THSD7A: variants seen among roughly 807,000 people sequenced by gnomAD.
The protein encoded by THSD7A is thrombospondin type-1 domain-containing protein 7A.
THSD7A carries 96 observed loss-of-function variants against 231.3 expected under a neutral mutation model. The observed-to-expected ratio is 0.41, with a 90% CI of 0.35 to 0.49. The LOEUF is 0.49. THSD7A is among the 20% of genes least tolerant of loss of function. The pLI, the probability that THSD7A is intolerant of heterozygous loss-of-function variation, is 0.05. For missense variants in THSD7A, 2,290 were observed against 2,070.2 expected, an observed-to-expected ratio of 1.11 and a Z score of -2.06; for synonymous variants, 940 against 743.3, an observed-to-expected ratio of 1.26 and a Z score of -4.30.
intron 6 of THSD7A, among the ~76,000 whole-genome samples, chr7:11,525,803 A>T (rs1007150969): frequency 1.3e-5 from 2 of 152,204 alleles, no homozygotes; most frequent in African/African-American, 4.8e-5. Flanking sequence ...TTTCATTAGT[A>T]TATAAACCCA....
intron 1 of THSD7A, among the ~76,000 whole-genome samples, chr7:11,673,957 G>A (rs946058321): frequency 3.3e-5 from 5 of 151,994 alleles, no homozygotes; most frequent in South Asian, 2.1e-4. Context: ...TTGCGTACAC[G>A]TGGCCACTGC....
intron 14 of THSD7A, among the ~76,000 whole-genome samples, chr7:11,428,678 G>A (rs1784392775): frequency 6.6e-6 from 1 of 152,048 alleles, no homozygotes; most frequent in Non-Finnish European, 1.5e-5. Flanking sequence ...TAAATACCTT[G>A]ACATTATTTC....
At chr7:11,423,414 G>A (rs943910911) in intron 16 of THSD7A, among the ~76,000 whole-genome samples, 1 of 144,680 alleles carries the variant, frequency 6.9e-6, no homozygotes, top group Non-Finnish European at 1.5e-5. Context: ...TGTCCCCCAG[G>A]CTGGAGTGCA....
chr7:11,794,264 T>C (rs1784052595), intron 1 of THSD7A, among the ~76,000 whole-genome samples: 1 of 151,968 alleles, frequency 6.6e-6, no homozygotes, highest in Non-Finnish European at 1.5e-5. Context: ...GCATAAAAAA[T>C]AATTTTACTC....
At chr7:11,501,850 T>G (rs1444814734) in intron 6 of THSD7A, among the ~76,000 whole-genome samples, 1 of 152,154 alleles carries the variant, frequency 6.6e-6, no homozygotes, top group Non-Finnish European at 1.5e-5. Flanking sequence ...AGCAGTTTGT[T>G]TTTTTGAAAA....
intron 9 of THSD7A, among the ~76,000 whole-genome samples, chr7:11,462,538 A>C (rs1785544936): frequency 6.6e-6 from 1 of 152,208 alleles, no homozygotes; most frequent in African/African-American, 2.4e-5. Flanking sequence ...GGACTCATAC[A>C]CATGTAATGA....
At chr7:11,572,896 A>G (rs1434297488) in intron 4 of THSD7A, among the ~76,000 whole-genome samples, 3 of 151,982 alleles carry the variant, frequency 2.0e-5, no homozygotes, top group Admixed American at 2.0e-4. Context: ...ATGTGTAGTA[A>G]CTTTTTATTA....
At chr7:11,451,486 G>A (rs1472562888) in intron 11 of THSD7A, among the ~76,000 whole-genome samples, 1 of 151,966 alleles carries the variant, frequency 6.6e-6, no homozygotes, top group Non-Finnish European at 1.5e-5. Context: ...GTTAAAAACT[G>A]CTGAAGCTGA....
chr7:11,809,364 A>T (rs975063927), intron 1 of THSD7A, among the ~76,000 whole-genome samples: 1 of 152,156 alleles, frequency 6.6e-6, no homozygotes, highest in African/African-American at 2.4e-5. Context: ...TTGACAGGAG[A>T]GTAATTTTTG....
At chr7:11,612,936 C>T (rs1025911064) in intron 2 of THSD7A, among the ~76,000 whole-genome samples, 1 of 152,134 alleles carries the variant, frequency 6.6e-6, no homozygotes, top group African/African-American at 2.4e-5. Flanking sequence ...GACCGTTTCA[C>T]TATCTTACCT....
chr7:11,549,247 T>C (rs549042563), intron 4 of THSD7A, among the ~76,000 whole-genome samples: 60 of 152,198 alleles, frequency 3.9e-4, no homozygotes, highest in Middle Eastern at 3.4e-3. Context: ...AAACAATACA[T>C]GCTGGCAAGG....
intron 1 of THSD7A, among the ~76,000 whole-genome samples, chr7:11,787,477 C>T (rs904142766): frequency 1.3e-5 from 2 of 151,906 alleles, no homozygotes; most frequent in African/African-American, 4.8e-5. Context: ...AGACAAGCCA[C>T]GCATTGGGAG....
chr7:11,816,734 T>TG (rs1554281827), intron 1 of THSD7A, among the ~76,000 whole-genome samples: 6 of 124,120 alleles, frequency 4.8e-5, no homozygotes, highest in Non-Finnish European at 6.9e-5. Context: ...AATATTTTAG[T>TG]GAAAAAAGTG....
At chr7:11,445,815 C>CA (rs1001070782) in intron 13 of THSD7A, among the ~76,000 whole-genome samples, 2 of 151,922 alleles carry the variant, frequency 1.3e-5, no homozygotes, top group Admixed American at 1.3e-4. Flanking sequence ...CTACCCTTTG[C>CA]AAGATTTGGG....
chr7:11,673,881 A>G (rs1468492063), intron 1 of THSD7A, among the ~76,000 whole-genome samples: 4 of 152,088 alleles, frequency 2.6e-5, no homozygotes, highest in African/African-American at 9.7e-5. Flanking sequence ...TCAGGGGAGC[A>G]TGAGCTGAGC....
intron 1 of THSD7A, among the ~76,000 whole-genome samples, chr7:11,688,483 T>C (rs976748517): frequency 1.3e-5 from 2 of 151,818 alleles, no homozygotes; most frequent in East Asian, 3.9e-4. Flanking sequence ...ACATTCAAAA[T>C]GAGATGATGC....
chr7:11,612,622 T>A (rs1201209328), intron 2 of THSD7A, among the ~76,000 whole-genome samples: 3 of 152,206 alleles, frequency 2.0e-5, no homozygotes, highest in South Asian at 2.1e-4. Flanking sequence ...TCAGAAGCGA[T>A]GTTATTGAGT....
At chr7:11,745,758 T>C (rs1167840339) in intron 1 of THSD7A, among the ~76,000 whole-genome samples, 2 of 152,100 alleles carry the variant, frequency 1.3e-5, no homozygotes, top group East Asian at 1.9e-4. Flanking sequence ...TAGTTGTAGA[T>C]ATGTGGCATT....
intron 6 of THSD7A, among the ~76,000 whole-genome samples, chr7:11,520,927 G>A (rs888169135): frequency 5.3e-5 from 8 of 151,916 alleles, no homozygotes; most frequent in African/African-American, 1.9e-4. Context: ...GCAACAAGAG[G>A]GATCAATATG....
Sources: allele counts gnomAD v4.1 joint callset (sites outside exome capture counted in the v4.1 genomes callset), GRCh38; gene constraint gnomAD v4.1.1; transcripts MANE v1.5; gene names NCBI Gene and HGNC (gene_info 2026-07-23, HGNC 2026-07-21).